ADGRF3: variants seen among roughly 807,000 people sequenced by gnomAD.
ADGRF3 encodes the protein G protein-coupled receptor 113.
Under a neutral mutation model 93.2 loss-of-function variants are expected in ADGRF3, and 85 were observed. The observed-to-expected ratio is 0.91, with a 90% CI of 0.77 to 1.09. ADGRF3 has a LOEUF of 1.09. Among genes scored for constraint, ADGRF3 ranks in the 50% least tolerant of loss-of-function variants. The probability of loss-of-function intolerance (pLI) is 0.00; values close to 1 mark genes in which losing one functional copy is unlikely to be tolerated. For synonymous variants in ADGRF3, 534 were observed against 532.5 expected (o/e 1.00, Z -0.04); for missense variants, 1,125 against 1,246.2 (o/e 0.90, Z 1.46).
At position 26,317,010 on chromosome 2, in the gene ADGRF3, T is replaced by C. The variant is rs1343140598; in HGVS notation, c.227A>G (p.Lys76Arg). 1 of 1,612,908 alleles carries C rather than the reference T, an allele frequency of 6.2e-7. No individual in the cohort carries two copies. The highest frequency in any genetic ancestry group is 1.7e-5 in the Admixed American group (1 of 59,724). ...CCTGGAGAGTTCAGGGGGCCAGGTCTTATCTGGAAAGTCCAGATGTACATA... is the reference window on the plus strand; with the variant it reads ...CCTGGAGAGTTCAGGGGGCCAGGTCCTATCTGGAAAGTCCAGATGTACATA... ...SVYVHLDFPD[K>R]TWPPELSRTL... Residue 76 changes from lysine to arginine, a missense_variant, in exon 3 of 14, where the codon AAG (lysine) becomes AGG (arginine). Transcript: ENST00000651242.
Position 26,311,937 on chromosome 2 carries a change from C to G in ADGRF3, c.1587G>C (p.Gln529His), listed in dbSNP as rs1346810184. The change falls in exon 10 of 14, where the codon CAG (glutamine) becomes CAC (histidine). Residue 529 changes from glutamine (Q) to histidine (H), a missense_variant. Physicochemically the swap from Gln to His is conservative, Grantham distance 24. Transcript: ENST00000651242. ...GTAAGCTGAAGGCGAAGGGGTGGTC[C>G]TGTGGGCACAGGCTGCATGCCAGGG... is the stretch of plus-strand genomic sequence containing the variant. The part of the protein sequence containing the change: ...VETLACSLCP[Q>H]DHPFAFSLPN... The G allele has an allele frequency of 6.2e-7, 1 of 1,613,840 alleles. No homozygotes were observed. Among genetic ancestry groups the G allele is most frequent in the South Asian group, 1.1e-5 (1 of 91,080 alleles).
At chr2:26,332,393 A>G (rs1419307960) in intron 1 of ADGRF3, among the ~76,000 whole-genome samples, 1 of 152,216 alleles carries the variant, frequency 6.6e-6, no homozygotes, top group Admixed American at 6.5e-5. Flanking sequence ...TGGGAAGCCA[A>G]CAAACTAGAG....
chr2:26,313,529 T>G lies in ADGRF3; in HGVS notation c.1117A>C (p.Asn373His), dbSNP rs754696640. Residue 373 changes from asparagine to histidine, a missense_variant, in exon 8 of 14, where the codon AAT (asparagine) becomes CAT (histidine). By Grantham distance (68) the Asn-to-His change is moderately conservative. Transcript: ENST00000651242. ...CPEDASVLTW[N>H]VTKAGHVAQA... ...GCCACGTGGCCAGCCTTGGTGACAT[T>G]CCAGGTGAGCACCGAGGCGTCCTCA... 2.5e-6 allele frequency: 4 copies of G among 1,611,460 alleles called. No homozygotes were observed. The highest frequency in any genetic ancestry group is 3.4e-6 in the Non-Finnish European group (4 of 1,179,492).
intron 4 of ADGRF3, 85 bp from the exon 5 acceptor site, chr2:26,315,825 C>A (rs2147880287): frequency 6.6e-7 from 1 of 1,525,628 alleles, no homozygotes; most frequent in Non-Finnish European, 8.8e-7. Context: ...TCCCCTGACT[C>A]TGGAGCCCAT....
Position 26,308,938 on chromosome 2 carries a change from A to G in ADGRF3, c.*148T>C. 2.0e-6 allele frequency: 2 copies of G among 1,001,632 alleles called. No individual in the cohort carries two copies. Among genetic ancestry groups the G allele is most frequent in the South Asian group, 2.9e-5 (2 of 68,718 alleles). The allele number at this position is 1,001,632 out of a possible 1,614,324, so 62.0% of individuals were successfully genotyped here. A position where few individuals can be genotyped will look rare whatever the true frequency, so the allele number is the denominator to read the frequency against. On this transcript the variant is annotated 3_prime_UTR_variant, in exon 14 of 14. Transcript: ENST00000651242. Reference sequence around the variant, plus strand: ...GAAGGGGTGAGCTGTAAGATAAATGAGTGTCACTAAGGGAAATATAAGCCT... The same window carrying G: ...GAAGGGGTGAGCTGTAAGATAAATGGGTGTCACTAAGGGAAATATAAGCCT...
At chr2:26,327,767 C>T (rs56290586) in intron 1 of ADGRF3, among the ~76,000 whole-genome samples, 1 of 151,366 alleles carries the variant, frequency 6.6e-6, no homozygotes, top group Non-Finnish European at 1.5e-5. Context: ...GGGGCCCTAA[C>T]TTATCCTTTT....
At chr2:26,315,311 A>G (rs1380396577) in intron 5 of ADGRF3, among the ~76,000 whole-genome samples, 4 of 152,190 alleles carry the variant, frequency 2.6e-5, no homozygotes, top group African/African-American at 7.2e-5. Flanking sequence ...CCACATTGCA[A>G]TTTTTCACAC....
At chr2:26,326,369 G>A (rs1000038941) in intron 1 of ADGRF3, among the ~76,000 whole-genome samples, 5 of 152,104 alleles carry the variant, frequency 3.3e-5, no homozygotes, top group Admixed American at 6.5e-5. Flanking sequence ...ACGTCAAAAA[G>A]TGATATAAGT....
chr2:26,345,968 C>A lies in ADGRF3; in HGVS notation c.114+153G>T, dbSNP rs1042232191. 19 of 701,158 alleles carry A rather than the reference C, an allele frequency of 2.7e-5. No homozygotes were observed. In the African/African-American group the frequency reaches 2.7e-4, roughly 10 times the overall value. 43.4% of individuals were successfully genotyped at this position (701,158 alleles called of 1,614,324 possible). A position where few individuals can be genotyped will look rare whatever the true frequency, so the allele number is the denominator to read the frequency against. ...TGTTGCCTGATCCACGCCGATTGGA[C>A]AACAGCAGTGTCGGGGGACGGGCCG... On this transcript the variant is annotated intron_variant, in intron 1 of 13. Coordinates refer to ENST00000651242, the MANE Select transcript of ADGRF3 (RefSeq NM_001321971.2).
chr2:26,310,088 G>T lies in ADGRF3; in HGVS notation c.2892C>A (p.Arg964=). ...LMDRKIQEAL[R]KRFCRAQAPS... is the part of the protein sequence containing the mutation. ...GGGCTTGGGCGCGGCAGAAGCGTTT[G>T]CGCAAAGCTTCTTGTATCTGCGGGA... Residue 964 remains arginine, a synonymous_variant, in exon 12 of 14, where the codon CGC becomes CGA. Coordinates refer to ENST00000651242, the MANE Select transcript of ADGRF3 (RefSeq NM_001321971.2). 6.2e-7 allele frequency: 1 copy of T among 1,614,070 alleles called. No homozygotes were observed. The highest frequency in any genetic ancestry group is 8.5e-7 in the Non-Finnish European group (1 of 1,179,904).
rs1368296960 is a variant in ADGRF3, at chr2:26,310,923, G to A, written c.2601C>T (p.Ala867=). 7 of 1,613,198 alleles carry A rather than the reference G, an allele frequency of 4.3e-6. No homozygotes were observed. The highest frequency in any genetic ancestry group is 5.9e-6 in the Non-Finnish European group (7 of 1,179,532). Residue 867 remains alanine (A), a synonymous_variant, in exon 10 of 14, where the codon GCC becomes GCT. Coordinates refer to ENST00000651242, the MANE Select transcript of ADGRF3 (RefSeq NM_001321971.2). ...ALYTFVGPVL[A]IIGVNGLVLA... ...GTACCAGCCCATTCACGCCTATGAT[G>A]GCCAGCACTGGCCCCACGAAGGTGT...
intron 1 of ADGRF3, among the ~76,000 whole-genome samples, chr2:26,330,949 T>C (rs1675734859): frequency 1.3e-5 from 2 of 152,170 alleles, no homozygotes; most frequent in African/African-American, 4.8e-5. Context: ...AGAGACAGGG[T>C]GGAGGATGCT....
chr2:26,338,333 G>A (rs1455411223), intron 1 of ADGRF3, among the ~76,000 whole-genome samples: 2 of 152,174 alleles, frequency 1.3e-5, no homozygotes, highest in African/African-American at 2.4e-5. Flanking sequence ...GGGCAACAGA[G>A]TGAGACCCTG....
chr2:26,315,801 C>T (rs543123409), intron 4 of ADGRF3, 61 bp from the exon 5 acceptor site: 46 of 1,544,286 alleles, frequency 3.0e-5, no homozygotes, highest in Non-Finnish European at 3.6e-5. Flanking sequence ...CAGATGCAGC[C>T]GAGCAATGGC....
Position 26,317,052 on chromosome 2 carries a change from G to C in ADGRF3, c.185C>G (p.Ser62Ter). Residue 62 changes from serine (S) to a stop codon, truncating the protein, a stop_gained, in exon 3 of 14, where the codon TCA becomes TGA. Coordinates refer to ENST00000651242, the MANE Select transcript of ADGRF3 (RefSeq NM_001321971.2). LOFTEE classifies it high-confidence loss of function. Reference protein sequence around the residue: ...LLDQENGAGESALVSVYVHLD... With the variant: ...LLDQENGAGE ...ATGTACATAGACGGAGACCAGCGCTGATTCTACAGGAGCAGAGGGGACAGC... is the reference window on the plus strand; with the variant it reads ...ATGTACATAGACGGAGACCAGCGCTCATTCTACAGGAGCAGAGGGGACAGC... 6.2e-7 allele frequency: 1 copy of C among 1,608,826 alleles called. No individual in the cohort carries two copies. The highest frequency in any genetic ancestry group is 8.5e-7 in the Non-Finnish European group (1 of 1,177,974).
rs748993067 is a variant in ADGRF3, at chr2:26,313,867, AC to A, written c.964del (p.Val322CysfsTer71). ...SFNESGSQCF[V>X]LAVQRCPMAD... ...CATCGGGCAGCGCTGAACAGCCAGC[AC>A]AAAGCACTGAGAGCCTGACTCGTTG... On this transcript the variant is annotated frameshift_variant, in exon 7 of 14. Coordinates refer to ENST00000651242, the MANE Select transcript of ADGRF3 (RefSeq NM_001321971.2). LOFTEE classifies it high-confidence loss of function. 3.8e-5 allele frequency: 61 copies of A among 1,613,926 alleles called. No homozygotes were observed. The highest frequency in any genetic ancestry group is 4.8e-5 in the Non-Finnish European group (57 of 1,179,904).
intron 1 of ADGRF3, among the ~76,000 whole-genome samples, chr2:26,340,700 A>G (rs527601964): frequency 1.5e-4 from 23 of 149,156 alleles, no homozygotes; most frequent in Middle Eastern, 3.4e-3. Context: ...GTGGAGTAAT[A>G]AAGGGGAGGA....
rs746240779 is a variant in ADGRF3 at position 26,311,418 on chromosome 2, C to G, written c.2106G>C (p.Leu702=). 6.2e-7 allele frequency: 1 copy of G among 1,614,064 alleles called. No individual in the cohort carries two copies. Among genetic ancestry groups the G allele is most frequent in the Non-Finnish European group, 8.5e-7 (1 of 1,179,896 alleles). Residue 702 remains leucine, a synonymous_variant, in exon 10 of 14, where the codon CTG becomes CTC. Coordinates refer to ENST00000651242, the MANE Select transcript of ADGRF3 (RefSeq NM_001321971.2). ...SPHTVPEEPA[L]ALLTQVGLGA... ...CCAAGCCCACTTGAGTCAGCAGCGCCAGAGCGGGTTCTTCCGGAACAGTGT... is the reference window on the plus strand; with the variant it reads ...CCAAGCCCACTTGAGTCAGCAGCGCGAGAGCGGGTTCTTCCGGAACAGTGT...
At chr2:26,310,135 C>G in intron 11 of ADGRF3, 30 bp from the exon 12 acceptor site, 1 of 1,614,030 alleles carries the variant, frequency 6.2e-7, no homozygotes, top group Non-Finnish European at 8.5e-7. Flanking sequence ...TCTGCTTATG[C>G]CAGCCACGGC....
Sources: gnomAD v4.1 joint callset for allele counts (sites outside exome capture counted in the v4.1 genomes callset) on GRCh38, gnomAD v4.1.1 for gene constraint, MANE v1.5 for transcripts, NCBI Gene and HGNC (gene_info 2026-07-23, HGNC 2026-07-21) for gene names.